TMEM87B: variants seen among roughly 807,000 people sequenced by gnomAD.
TMEM87B encodes the protein transmembrane protein 87B.
Under a neutral mutation model 80.3 loss-of-function variants are expected in TMEM87B, and 83 were observed. The ratio of observed to expected loss-of-function variants is 1.03; its 90% CI spans 0.87 to 1.24. The LOEUF is 1.24. TMEM87B is among the 50% of genes most tolerant of loss of function. The pLI is 0.00. For missense variants in TMEM87B, 625 were observed against 674.4 expected (o/e 0.93, Z 0.81); for synonymous variants, 219 against 230.5 (o/e 0.95, Z 0.45).
intron 1 of TMEM87B, among the ~76,000 whole-genome samples, chr2:112,057,796 C>T (rs1022807251): frequency 1.3e-5 from 2 of 151,300 alleles, no homozygotes; most frequent in African/African-American, 4.8e-5. Flanking sequence ...GTCACCTAAC[C>T]CTGCTTCCTG....
At chr2:112,065,399 G>T (rs72940094) in intron 3 of TMEM87B, among the ~76,000 whole-genome samples, 14,648 of 151,800 alleles carry the variant, frequency 0.096, 1,750 homozygotes, top group African/African-American at 0.28. Flanking sequence ...TAATTCCTGC[G>T]CTTTGGGAAC....
At chr2:112,096,973 A>T in intron 11 of TMEM87B, 71 bp from the exon 12 acceptor site, 1 of 1,039,336 alleles carries the variant, frequency 9.6e-7, no homozygotes, top group Non-Finnish European at 1.5e-6. Flanking sequence ...TTGGGAACAT[A>T]GTAGAAGATT....
At chr2:112,103,845 T>G (rs531417413) in intron 15 of TMEM87B, among the ~76,000 whole-genome samples, 1 of 152,328 alleles carries the variant, frequency 6.6e-6, no homozygotes, top group South Asian at 2.1e-4. Context: ...TTTCAAGACA[T>G]AATTATTTCA....
At chr2:112,078,953 A>G (rs1035798588) in intron 6 of TMEM87B, among the ~76,000 whole-genome samples, 3 of 152,224 alleles carry the variant, frequency 2.0e-5, no homozygotes, top group African/African-American at 7.2e-5. Flanking sequence ...TAGCGTGTAT[A>G]CAAGTAGAGG....
chr2:112,095,326 G>A (rs779635968), intron 11 of TMEM87B: 48 of 983,462 alleles, frequency 4.9e-5, no homozygotes, highest in South Asian at 9.4e-5. Flanking sequence ...ACAGCAGCGC[G>A]CTCTCACTTC....
At chr2:112,079,437 C>T (rs1678920541) in intron 6 of TMEM87B, among the ~76,000 whole-genome samples, 2 of 152,284 alleles carry the variant, frequency 1.3e-5, no homozygotes, top group East Asian at 1.9e-4. Flanking sequence ...TTGCAAATGA[C>T]AGAATTTTCT....
chr2:112,103,251 T>C (rs1055766002), intron 15 of TMEM87B, among the ~76,000 whole-genome samples: 1 of 152,172 alleles, frequency 6.6e-6, no homozygotes, highest in Non-Finnish European at 1.5e-5. Flanking sequence ...GAAAAATACG[T>C]AAAACCTCTG....
At chr2:112,087,134 A>G (rs1231940644) in intron 9 of TMEM87B, among the ~76,000 whole-genome samples, 1 of 152,028 alleles carries the variant, frequency 6.6e-6, no homozygotes, top group African/African-American at 2.4e-5. Context: ...TCCCTGGTCC[A>G]GCAGGACATT....
At chr2:112,088,130 G>A (rs1275667048) in intron 9 of TMEM87B, among the ~76,000 whole-genome samples, 1 of 152,210 alleles carries the variant, frequency 6.6e-6, no homozygotes, top group Non-Finnish European at 1.5e-5. Flanking sequence ...GAGTTAGCAG[G>A]ATTTTATCCT....
chr2:112,070,637 A>G (rs1220920430), intron 4 of TMEM87B, among the ~76,000 whole-genome samples: 1 of 152,128 alleles, frequency 6.6e-6, no homozygotes, highest in Non-Finnish European at 1.5e-5. Flanking sequence ...CCTTTTGGTT[A>G]GGATTGCCTT....
intron 4 of TMEM87B, among the ~76,000 whole-genome samples, chr2:112,071,560 GCCTC>G (rs956126412): frequency 4.9e-4 from 74 of 152,000 alleles, no homozygotes; most frequent in Non-Finnish European, 5.3e-4. Context: ...TGCTGCCTTG[GCCTC>G]CCAAAGTGCT....
At chr2:112,100,576 A>T (rs768530447) in intron 14 of TMEM87B, 46 bp from the exon 15 acceptor site, 10 of 1,267,884 alleles carry the variant, frequency 7.9e-6, no homozygotes, top group Non-Finnish European at 1.1e-5. Flanking sequence ...TGAAAATTGA[A>T]CAAGTTTAAA....
chr2:112,068,486 T>C (rs1371319258), intron 4 of TMEM87B, among the ~76,000 whole-genome samples: 1 of 152,098 alleles, frequency 6.6e-6, no homozygotes, highest in East Asian at 1.9e-4. Flanking sequence ...GGGTGGATCA[T>C]GAGGTCAGGA....
intron 17 of TMEM87B, among the ~76,000 whole-genome samples, chr2:112,112,099 T>C (rs1331222985): frequency 3.9e-5 from 6 of 152,236 alleles, no homozygotes. Context: ...GGCTTCACCA[T>C]GGACCGCACT....
At chr2:112,106,856 CAGAT>C (rs1447857869) in intron 16 of TMEM87B, among the ~76,000 whole-genome samples, 2 of 151,946 alleles carry the variant, frequency 1.3e-5, no homozygotes, top group African/African-American at 2.4e-5. Context: ...ATAGATTAGA[CAGAT>C]GGATAAATAA....
At chr2:112,105,824 T>C in intron 15 of TMEM87B, 178 bp from the exon 16 acceptor site, 1 of 441,012 alleles carries the variant, frequency 2.3e-6, no homozygotes, top group Non-Finnish European at 3.9e-6. Context: ...ATCTGTGAAC[T>C]TTTTTCATAT....
At position 112,055,269 on chromosome 2, in the gene TMEM87B, A is replaced by C; in HGVS notation, c.-323A>C. ...CCTTGCACGTTCCGGCTCCTCTTCT[A>C]TCTTCACGCCCACGCTAGGCCCTGA... On this transcript the variant is annotated 5_prime_UTR_variant, in exon 1 of 19. Transcript: ENST00000283206. 3.0e-6 allele frequency: 1 copy of C among 337,716 alleles called. No homozygotes were observed. Among genetic ancestry groups the C allele is most frequent in the Non-Finnish European group, 5.4e-6 (1 of 184,906 alleles). The allele number at this position is 337,716 out of a possible 1,614,324, so 20.9% of individuals were successfully genotyped here. A position where few individuals can be genotyped will look rare whatever the true frequency, so the allele number is the denominator to read the frequency against.
At chr2:112,087,462 C>T (rs1475206412) in intron 9 of TMEM87B, among the ~76,000 whole-genome samples, 1 of 152,062 alleles carries the variant, frequency 6.6e-6, no homozygotes, top group African/African-American at 2.4e-5. Flanking sequence ...AAGTAGAAGC[C>T]ATCAGAGGGG....
intron 1 of TMEM87B, among the ~76,000 whole-genome samples, chr2:112,059,060 A>G (rs1678166421): frequency 6.6e-6 from 1 of 152,230 alleles, no homozygotes; most frequent in Non-Finnish European, 1.5e-5. Flanking sequence ...TCTGGAGCTC[A>G]AAGGAAGGAT....
Sources: allele counts gnomAD v4.1 joint callset (sites outside exome capture counted in the v4.1 genomes callset), GRCh38; gene constraint gnomAD v4.1.1; transcripts MANE v1.5; gene names NCBI Gene and HGNC (gene_info 2026-07-23, HGNC 2026-07-21).